Variants in CNTLN observed in about 807,000 individuals in gnomAD.
CNTLN encodes centlein.
CNTLN carries 212 observed loss-of-function variants against 180.0 expected under a neutral mutation model. The observed-to-expected ratio is 1.18, with a 90% CI of 1.05 to 1.32. The LOEUF is 1.32. Ranked by LOEUF, CNTLN falls within the 40% of genes most tolerant of loss-of-function variation. The pLI, the probability that CNTLN is intolerant of heterozygous loss-of-function variation, is 0.00. For missense variants in CNTLN, 2,095 were observed against 1,610.9 expected, an observed-to-expected ratio of 1.30 and a Z score of -5.14; for synonymous variants, 722 against 563.1, an observed-to-expected ratio of 1.28 and a Z score of -3.99.
At chr9:17,489,031 A>T (rs1291506135) in intron 25 of CNTLN, among the ~76,000 whole-genome samples, 1 of 152,094 alleles carries the variant, frequency 6.6e-6, no homozygotes, top group Non-Finnish European at 1.5e-5. Flanking sequence ...GGTTTTGCTG[A>T]TGTCTTTGAA....
At chr9:17,423,880 A>G (rs1177005855) in intron 18 of CNTLN, among the ~76,000 whole-genome samples, 1 of 152,112 alleles carries the variant, frequency 6.6e-6, no homozygotes, top group Non-Finnish European at 1.5e-5. Context: ...CTGCTGGGGA[A>G]TGAGGGAAGG....
intron 18 of CNTLN, among the ~76,000 whole-genome samples, chr9:17,421,965 T>G (rs1326204369): frequency 6.6e-6 from 1 of 152,200 alleles, no homozygotes; most frequent in Non-Finnish European, 1.5e-5. Context: ...TTTGTGTATG[T>G]ACATGCTATT....
At chr9:17,521,358 T>A in the CNTLN span, among the ~76,000 whole-genome samples, 2 of 150,624 alleles carry the variant, frequency 1.3e-5, no homozygotes, top group South Asian at 4.2e-4. Flanking sequence ...ATCTTAGGTG[T>A]AAGTAAGAAA....
downstream of CNTLN, among the ~76,000 whole-genome samples, chr9:17,508,456 T>A (rs1261046219): frequency 6.6e-6 from 1 of 152,068 alleles, no homozygotes; most frequent in Non-Finnish European, 1.5e-5. Context: ...TTCGTTGGAG[T>A]GTTTTTAGGA....
chr9:17,256,820 T>A (rs371856807), intron 5 of CNTLN, among the ~76,000 whole-genome samples: 1 of 151,946 alleles, frequency 6.6e-6, no homozygotes, highest in Non-Finnish European at 1.5e-5. Flanking sequence ...GATATTTGAC[T>A]GTTTCTCTCT....
intron 5 of CNTLN, among the ~76,000 whole-genome samples, chr9:17,262,746 T>G (rs546436639): frequency 6.6e-6 from 1 of 151,202 alleles, no homozygotes; most frequent in African/African-American, 2.5e-5. Flanking sequence ...AAAAATAAAA[T>G]AAAGAAAAGA....
intron 3 of CNTLN, among the ~76,000 whole-genome samples, chr9:17,228,706 G>C (rs994223494): frequency 2.0e-5 from 3 of 151,990 alleles, no homozygotes; most frequent in African/African-American, 4.8e-5. Flanking sequence ...ATTATTAATA[G>C]TTATTTCATA....
chr9:17,270,680 T>A (rs1320077800), intron 5 of CNTLN, among the ~76,000 whole-genome samples: 3 of 152,150 alleles, frequency 2.0e-5, no homozygotes, highest in African/African-American at 7.2e-5. Flanking sequence ...TTTATTGTAA[T>A]GTTTATAGAC....
In CNTLN at chr9:17,226,181, ACT is replaced by A. The variant is rs766504348; in HGVS notation, c.450-17_450-16del. 23 of 1,301,026 alleles carry A rather than the reference ACT, an allele frequency of 1.8e-5. No individual in the cohort carries two copies. In the African/African-American group the frequency reaches 2.0e-4, roughly 11 times the overall value. The allele number at this position is 1,301,026 out of a possible 1,614,324, so 80.6% of individuals were successfully genotyped here. On this transcript the variant is annotated intron_variant, in intron 2 of 25. Transcript: ENST00000380647. ...ATTAGCTACCAGTTATGACTAATAAACTCTCTATATTTTATATCTAGAGAAAA... is the reference window on the plus strand; with the variant it reads ...ATTAGCTACCAGTTATGACTAATAAACTCTATATTTTATATCTAGAGAAAA...
chr9:17,235,774 T>C lies in CNTLN; in HGVS notation c.651T>C (p.Asp217=). The stretch of plus-strand genomic sequence containing the variant: ...GTGACTTGGAGAAGAAATTTAAAGA[T>C]AAAAGTCAAGAAATTAAGGTGTGTT... ...EFSDLEKKFK[D]KSQEIKDTKE... Residue 217 remains aspartate (D), a synonymous_variant, in exon 4 of 26, where the codon GAT becomes GAC. Coordinates refer to ENST00000380647, the MANE Select transcript of CNTLN (RefSeq NM_017738.4). The C allele has an allele frequency of 6.2e-7, 1 of 1,605,726 alleles. No individual in the cohort carries two copies. Among genetic ancestry groups the C allele is most frequent in the Non-Finnish European group, 8.5e-7 (1 of 1,177,712 alleles).
intron 15 of CNTLN, among the ~76,000 whole-genome samples, chr9:17,395,652 A>T (rs1395146150): frequency 6.6e-6 from 1 of 152,216 alleles, no homozygotes; most frequent in Non-Finnish European, 1.5e-5. Flanking sequence ...AATGGTGGTT[A>T]AAAATTAGTT....
chr9:17,166,114 T>C (rs904310082), intron 2 of CNTLN, among the ~76,000 whole-genome samples: 6 of 152,132 alleles, frequency 3.9e-5, no homozygotes, highest in South Asian at 2.1e-4. Context: ...AAGACAGAGA[T>C]ATGCTGAATA....
intron 2 of CNTLN, among the ~76,000 whole-genome samples, chr9:17,211,964 T>C (rs1446881469): frequency 1.3e-5 from 2 of 152,210 alleles, no homozygotes; most frequent in African/African-American, 4.8e-5. Context: ...GCTGAGACGA[T>C]GGGGTTTTCT....
chr9:17,325,556 T>TACACACACACACAC (rs142190202), intron 8 of CNTLN, among the ~76,000 whole-genome samples: 23 of 147,632 alleles, frequency 1.6e-4, no homozygotes, highest in African/African-American at 5.7e-4. Flanking sequence ...CAGATTTTAT[T>TACACACACACACAC]ACACACACAC....
chr9:17,433,616 GT>G (rs34373263), intron 18 of CNTLN, among the ~76,000 whole-genome samples: 71,478 of 151,304 alleles, frequency 0.47, 18,070 homozygotes, highest in Non-Finnish European at 0.56. Flanking sequence ...GTTTGTAGTG[GT>G]TTTTTTTTGT....
chr9:17,499,230 C>G (rs185293939), intron 25 of CNTLN, among the ~76,000 whole-genome samples: 17 of 152,274 alleles, frequency 1.1e-4, no homozygotes, highest in Non-Finnish European at 1.5e-4. Flanking sequence ...TCATGTGGTA[C>G]TATAAGATTT....
At chr9:17,472,223 A>T (rs972819384) in intron 23 of CNTLN, among the ~76,000 whole-genome samples, 1 of 152,134 alleles carries the variant, frequency 6.6e-6, no homozygotes, top group African/African-American at 2.4e-5. Context: ...TACATGGTAC[A>T]TGAGGGTTGA....
At chr9:17,239,203 G>A (rs1464381031) in intron 5 of CNTLN, among the ~76,000 whole-genome samples, 1 of 151,950 alleles carries the variant, frequency 6.6e-6, no homozygotes, top group African/African-American at 2.4e-5. Flanking sequence ...CAGATAATTT[G>A]TGTATTTTTA....
At chr9:17,408,626 C>T (rs1041396362) in intron 15 of CNTLN, among the ~76,000 whole-genome samples, 1 of 151,988 alleles carries the variant, frequency 6.6e-6, no homozygotes, top group African/African-American at 2.4e-5. Flanking sequence ...ACAGTGAAAC[C>T]CTATCTCTAC....
Sources: allele counts gnomAD v4.1 joint callset (sites outside exome capture counted in the v4.1 genomes callset), GRCh38; gene constraint gnomAD v4.1.1; transcripts MANE v1.5; gene names NCBI Gene and HGNC (gene_info 2026-07-23, HGNC 2026-07-21).